Variants in HERC4 observed in about 807,000 individuals in gnomAD.
HERC4 encodes probable E3 ubiquitin-protein ligase HERC4.
Under a neutral mutation model 124.3 loss-of-function variants are expected in HERC4, and 28 were observed. The observed-to-expected ratio is 0.23, with a 90% CI of 0.17 to 0.31. HERC4 has a LOEUF of 0.31. Among genes scored for constraint, HERC4 ranks in the 10% least tolerant of loss-of-function variants. HERC4 has a pLI of 1.00. For missense variants in HERC4, 713 were observed against 1,229.3 expected, an observed-to-expected ratio of 0.58 and a Z score of 6.28; for synonymous variants, 407 against 421.5, an observed-to-expected ratio of 0.97 and a Z score of 0.42.
chr10:67,937,418 T>C (rs2032461057), intron 21 of HERC4, among the ~76,000 whole-genome samples: 1 of 152,152 alleles, frequency 6.6e-6, no homozygotes, highest in South Asian at 2.1e-4. Flanking sequence ...CCATAGTTCT[T>C]TGAATATAGT....
chr10:68,051,724 C>CTGT (rs1407342043), intron 3 of HERC4, among the ~76,000 whole-genome samples: 5 of 147,036 alleles, frequency 3.4e-5, no homozygotes, highest in Admixed American at 2.8e-4. Flanking sequence ...GGATCTCACT[C>CTGT]TGTTGCCCAG....
At chr10:67,970,418 C>T (rs751471787) in intron 15 of HERC4, among the ~76,000 whole-genome samples, 1 of 151,938 alleles carries the variant, frequency 6.6e-6, no homozygotes, top group South Asian at 2.1e-4. Context: ...GTGGTGAAAC[C>T]CTGTCCCTAC....
intron 22 of HERC4, among the ~76,000 whole-genome samples, chr10:67,934,960 A>T (rs1426896023): frequency 6.7e-6 from 1 of 148,290 alleles, no homozygotes; most frequent in Non-Finnish European, 1.5e-5. Flanking sequence ...AATTCTTTCA[A>T]ATGAGTTTTT....
chr10:67,927,365 A>G (rs1364192722), intron 23 of HERC4, among the ~76,000 whole-genome samples: 2 of 142,594 alleles, frequency 1.4e-5, no homozygotes, highest in Non-Finnish European at 3.0e-5. Context: ...TCAAAGTGTT[A>G]AGAATAAATA....
At chr10:68,049,708 C>T (rs12770220) in intron 3 of HERC4, among the ~76,000 whole-genome samples, 14,902 of 150,870 alleles carry the variant, frequency 0.099, 815 homozygotes, top group South Asian at 0.15. Context: ...TCCAGGAGTT[C>T]GAAACCAGCC....
chr10:67,938,290 A>G (rs1194494635), intron 21 of HERC4, among the ~76,000 whole-genome samples: 1 of 151,704 alleles, frequency 6.6e-6, no homozygotes, highest in Non-Finnish European at 1.5e-5. Flanking sequence ...AAAATACAAA[A>G]ATTAGCTGGG....
intron 15 of HERC4, among the ~76,000 whole-genome samples, chr10:67,973,125 A>G (rs368071244): frequency 1.3e-5 from 2 of 152,216 alleles, no homozygotes; most frequent in African/African-American, 4.8e-5. Context: ...GGTTTTAATT[A>G]TATTTGTTTT....
chr10:67,971,612 G>C (rs1000666482), intron 15 of HERC4, among the ~76,000 whole-genome samples: 12 of 151,950 alleles, frequency 7.9e-5, no homozygotes, highest in African/African-American at 2.9e-4. Flanking sequence ...CAGCAAATGA[G>C]AAATGGAAGA....
At chr10:68,063,048 A>G (rs1589460553) in intron 3 of HERC4, among the ~76,000 whole-genome samples, 1 of 152,074 alleles carries the variant, frequency 6.6e-6, no homozygotes, top group Non-Finnish European at 1.5e-5. Flanking sequence ...TCTGCTTAGT[A>G]TACTATCTCT....
intron 15 of HERC4, among the ~76,000 whole-genome samples, chr10:67,968,896 A>G (rs2035060419): frequency 6.6e-6 from 1 of 152,190 alleles, no homozygotes; most frequent in Non-Finnish European, 1.5e-5. Flanking sequence ...CAAAACCAGC[A>G]AGTATAGATG....
chr10:67,981,851 G>A (rs1349019580), intron 15 of HERC4, among the ~76,000 whole-genome samples: 1 of 152,082 alleles, frequency 6.6e-6, no homozygotes. Context: ...TGAGACATGA[G>A]AATCACTTGA....
At chr10:68,003,181 G>T in intron 9 of HERC4, among the ~76,000 whole-genome samples, 1 of 150,982 alleles carries the variant, frequency 6.6e-6, no homozygotes, top group Admixed American at 6.6e-5. Flanking sequence ...TTTTGAGACG[G>T]AGTCTTGCTC....
intron 9 of HERC4, among the ~76,000 whole-genome samples, chr10:68,013,513 G>A (rs2038088464): frequency 1.3e-5 from 2 of 152,128 alleles, no homozygotes; most frequent in South Asian, 4.1e-4. Context: ...CTTCTTTGAG[G>A]TACCTAGCCT....
At position 68,073,044 on chromosome 10, in the gene HERC4, A is replaced by G. The variant is rs2041645523; in HGVS notation, c.65T>C (p.Val22Ala). The stretch of plus-strand genomic sequence containing the variant: ...GAAGTCACTTTTTCTGGGCTCTAGT[A>G]CAATTTCTTCATCAATTCCACCCAA... ...LGLGGIDEEI[V>A]LEPRKSDFFI... The change falls in exon 3 of 25, where the codon GTA (valine) becomes GCA (alanine). Residue 22 changes from valine to alanine, a missense_variant. Val to Ala is a moderately conservative substitution (Grantham distance 64). Transcript: ENST00000373700. The G allele has an allele frequency of 6.2e-7, 1 of 1,613,904 alleles. No individual in the cohort carries two copies. Among genetic ancestry groups the G allele is most frequent in the Admixed American group, 1.7e-5 (1 of 60,000 alleles).
At chr10:67,946,481 T>C (rs2033362672) in intron 19 of HERC4, among the ~76,000 whole-genome samples, 1 of 151,488 alleles carries the variant, frequency 6.6e-6, no homozygotes, top group Admixed American at 6.6e-5. Flanking sequence ...GAAAAAGATA[T>C]TCCATGCAAA....
intron 3 of HERC4, among the ~76,000 whole-genome samples, chr10:68,046,316 GGTAA>G (rs1036344906): frequency 1.3e-5 from 2 of 152,144 alleles, no homozygotes; most frequent in African/African-American, 4.8e-5. Context: ...TGACAAGACA[GGTAA>G]GTAAGACTGC....
Position 68,014,204 on chromosome 10 carries a change from A to G in HERC4, c.909-18T>C. 6.5e-7 allele frequency: 1 copy of G among 1,549,700 alleles called. No individual in the cohort carries two copies. The highest frequency in any genetic ancestry group is 8.7e-7 in the Non-Finnish European group (1 of 1,148,648). On this transcript the variant is annotated intron_variant, in intron 8 of 24. Transcript: ENST00000373700. ...TGTGCTGCCTAGAGTAAAATGATAG[A>G]AAACTTCAGACTTAATGTTACCTTC...
chr10:67,942,791 G>A (rs1156969019), intron 19 of HERC4, among the ~76,000 whole-genome samples: 4 of 152,126 alleles, frequency 2.6e-5, no homozygotes, highest in African/African-American at 7.2e-5. Context: ...GATTACAGGC[G>A]TGAGATACTG....
chr10:67,936,348 T>A, intron 21 of HERC4, 113 bp from the exon 22 acceptor site: 1 of 537,312 alleles, frequency 1.9e-6, no homozygotes, highest in Non-Finnish European at 3.1e-6. Context: ...AAATTTGAGA[T>A]AAAATTCTGC....
Sources: gnomAD v4.1 joint callset for allele counts (sites outside exome capture counted in the v4.1 genomes callset) on GRCh38, gnomAD v4.1.1 for gene constraint, MANE v1.5 for transcripts, NCBI Gene and HGNC (gene_info 2026-07-23, HGNC 2026-07-21) for gene names.